Variants in ADORA2B observed in about 807,000 individuals in gnomAD.
ADORA2B encodes adenosine A2b receptor.
In ADORA2B, 18 loss-of-function variants were observed where a neutral mutation model predicts 20.8. The ratio of observed to expected loss-of-function variants is 0.87; its 90% CI spans 0.60 to 1.29. The LOEUF (loss-of-function observed/expected upper bound fraction) is 1.29. Ranked by LOEUF, ADORA2B falls within the 50% of genes most tolerant of loss-of-function variation. ADORA2B has a pLI of 0.00. For missense variants in ADORA2B, 441 were observed against 422.7 expected, an observed-to-expected ratio of 1.04 and a Z score of -0.38; for synonymous variants, 179 against 178.3, an observed-to-expected ratio of 1.00 and a Z score of -0.03.
At chr17:15,898,127 AG>A in the ADORA2B span, among the ~76,000 whole-genome samples, 5 of 152,192 alleles carry the variant, frequency 3.3e-5, no homozygotes, top group Non-Finnish European at 5.9e-5. Flanking sequence ...ACATCTGACC[AG>A]GGTGGAGTAG....
chr17:15,958,564 G>T (rs1213963895), intron 1 of ADORA2B, among the ~76,000 whole-genome samples: 2 of 152,002 alleles, frequency 1.3e-5, no homozygotes, highest in Non-Finnish European at 2.9e-5. Context: ...TCCCCACCTG[G>T]TCTGGGGCCT....
chr17:15,867,197 C>T, the ADORA2B span, among the ~76,000 whole-genome samples: 5 of 151,904 alleles, frequency 3.3e-5, no homozygotes, highest in African/African-American at 9.7e-5. Context: ...AGCCTCTGCC[C>T]GGCCGCCACC....
chr17:15,957,227 T>C (rs1014174773), intron 1 of ADORA2B, among the ~76,000 whole-genome samples: 10 of 152,308 alleles, frequency 6.6e-5, no homozygotes, highest in African/African-American at 1.7e-4. Flanking sequence ...TTCAGCAGTC[T>C]GGAGCAGAGG....
At chr17:15,946,064 C>T (rs1969801799) in intron 1 of ADORA2B, among the ~76,000 whole-genome samples, 1 of 152,188 alleles carries the variant, frequency 6.6e-6, no homozygotes, top group African/African-American at 2.4e-5. Context: ...CCACTAAGGG[C>T]AAGGCAACTT....
the ADORA2B span, among the ~76,000 whole-genome samples, chr17:15,923,206 A>ATTTTTTTTTTTTTTTTTTTTTTTT: frequency 8.8e-6 from 1 of 113,528 alleles, no homozygotes; most frequent in Non-Finnish European, 1.8e-5. Flanking sequence ...TCTTTTTTTA[A>ATTTTTTTTTTTTTTTTTTTTTTTT]TTTTTTTTTT....
chr17:15,878,004 A>T, the ADORA2B span, among the ~76,000 whole-genome samples: 11 of 152,170 alleles, frequency 7.2e-5, no homozygotes, highest in African/African-American at 2.4e-4. Context: ...TTTTGGGGGA[A>T]AAAAAGAAAT....
chr17:15,912,847 C>T, the ADORA2B span, among the ~76,000 whole-genome samples: 2 of 152,246 alleles, frequency 1.3e-5, no homozygotes, highest in African/African-American at 4.8e-5. Flanking sequence ...TAGACTGCTA[C>T]AAGAATGAAG....
At chr17:15,929,287 G>A in the ADORA2B span, among the ~76,000 whole-genome samples, 7 of 152,298 alleles carry the variant, frequency 4.6e-5, no homozygotes, top group South Asian at 1.5e-3. Context: ...CAGTGGTGTG[G>A]AATATGAAGT....
At chr17:15,973,377 G>A (rs1004884047) in intron 1 of ADORA2B, among the ~76,000 whole-genome samples, 4 of 152,142 alleles carry the variant, frequency 2.6e-5, no homozygotes, top group African/African-American at 7.2e-5. Flanking sequence ...GTTTACCCCT[G>A]CTAGATCTGA....
Position 15,975,483 on chromosome 17 carries a change from T to TATC in ADORA2B, c.*142_*144dup. 1.3e-6 allele frequency: 1 copy of TATC among 763,504 alleles called. No individual in the cohort carries two copies. The highest frequency in any genetic ancestry group is 2.8e-5 in the Admixed American group (1 of 35,154). 47.3% of individuals were successfully genotyped at this position (763,504 alleles called of 1,614,324 possible). On this transcript the variant is annotated 3_prime_UTR_variant, in exon 2 of 2. Transcript: ENST00000304222. ...TGAGCACTTCCCTGGAGCTACCACG[T>TATC]ATCTAGCTAATATGTATGTGTCAGT...
At chr17:15,950,265 G>C (rs917192599) in intron 1 of ADORA2B, among the ~76,000 whole-genome samples, 1 of 152,196 alleles carries the variant, frequency 6.6e-6, no homozygotes, top group Non-Finnish European at 1.5e-5. Context: ...GCTGGAAGAG[G>C]CAACAGATCC....
At chr17:15,972,621 A>C (rs2779211) in intron 1 of ADORA2B, among the ~76,000 whole-genome samples, 1 of 151,934 alleles carries the variant, frequency 6.6e-6, no homozygotes, top group South Asian at 2.1e-4. Flanking sequence ...CTCTTGCCCC[A>C]TAACTCACTT....
At chr17:15,867,365 G>C in the ADORA2B span, among the ~76,000 whole-genome samples, 1 of 151,098 alleles carries the variant, frequency 6.6e-6, no homozygotes, top group Admixed American at 6.6e-5. Flanking sequence ...GCCGCCCATC[G>C]TCTGAGATGT....
the ADORA2B span, among the ~76,000 whole-genome samples, chr17:15,889,272 G>A: frequency 7.7e-6 from 1 of 129,396 alleles, no homozygotes; most frequent in Admixed American, 7.6e-5. Flanking sequence ...ACATTAAGAT[G>A]AAGAATCAAG....
chr17:15,928,590 G>A, the ADORA2B span, among the ~76,000 whole-genome samples: 389 of 152,254 alleles, frequency 2.6e-3, 4 homozygotes, highest in African/African-American at 9.0e-3. Flanking sequence ...GGCTGGCAAG[G>A]TGGAGGCAGT....
At chr17:15,883,054 C>T in the ADORA2B span, among the ~76,000 whole-genome samples, 14 of 152,270 alleles carry the variant, frequency 9.2e-5, 1 homozygote, top group African/African-American at 2.4e-4. Flanking sequence ...CATGAAATAT[C>T]GTCCATTTGG....
At chr17:15,882,523 G>C in the ADORA2B span, among the ~76,000 whole-genome samples, 4 of 152,128 alleles carry the variant, frequency 2.6e-5, no homozygotes, top group African/African-American at 7.2e-5. Flanking sequence ...AGGCTGCAGT[G>C]AGTCATGATC....
intron 1 of ADORA2B, among the ~76,000 whole-genome samples, chr17:15,958,423 T>C (rs534024566): frequency 6.6e-6 from 1 of 152,308 alleles, no homozygotes; most frequent in South Asian, 2.1e-4. Context: ...TCCGCATCCA[T>C]CCTTGTTCTT....
chr17:15,927,465 G>C, the ADORA2B span, among the ~76,000 whole-genome samples: 309 of 151,646 alleles, frequency 2.0e-3, 1 homozygote, highest in African/African-American at 7.1e-3. Flanking sequence ...TCTGGCAACA[G>C]AGTGAGACCC....
Sources: allele counts gnomAD v4.1 joint callset (sites outside exome capture counted in the v4.1 genomes callset), GRCh38; gene constraint gnomAD v4.1.1; transcripts MANE v1.5; gene names NCBI Gene and HGNC (gene_info 2026-07-23, HGNC 2026-07-21).